MAP3K13: variants seen among roughly 807,000 people sequenced by gnomAD.
The protein encoded by MAP3K13 is leucine zipper-bearing kinase.
A neutral mutation model predicts 104.0 loss-of-function variants in MAP3K13; 52 were observed. That is an observed-to-expected ratio of 0.50 (90% CI 0.40 to 0.63). MAP3K13 has a LOEUF of 0.63. MAP3K13 is among the 20% of genes least tolerant of loss of function. The probability of loss-of-function intolerance (pLI) is 0.00; values close to 1 mark genes in which losing one functional copy is unlikely to be tolerated. For missense variants in MAP3K13, 914 were observed against 1,218.5 expected, an observed-to-expected ratio of 0.75 and a Z score of 3.72; for synonymous variants, 394 against 442.2, an observed-to-expected ratio of 0.89 and a Z score of 1.37.
intron 1 of MAP3K13, among the ~76,000 whole-genome samples, chr3:185,284,033 G>C (rs1720413038): frequency 1.3e-5 from 2 of 151,216 alleles, no homozygotes; most frequent in Admixed American, 6.6e-5. Context: ...CGAGTAGCTG[G>C]GATTACAGGC....
intron 2 of MAP3K13, among the ~76,000 whole-genome samples, chr3:185,318,225 T>C (rs933682847): frequency 1.3e-5 from 2 of 152,194 alleles, no homozygotes; most frequent in African/African-American, 4.8e-5. Context: ...GCCCACAAAA[T>C]ACAAGAGACA....
At chr3:185,363,772 T>C (rs573668416) in intron 1 of MAP3K13, among the ~76,000 whole-genome samples, 26 of 152,374 alleles carry the variant, frequency 1.7e-4, no homozygotes, top group African/African-American at 6.0e-4. Context: ...GGGGCACTTG[T>C]CTTCCTTGCG....
chr3:185,455,648 T>TATATGACATATATATC (rs1560120159), intron 7 of MAP3K13, among the ~76,000 whole-genome samples: 2 of 30,312 alleles, frequency 6.6e-5, no homozygotes, highest in African/African-American at 2.4e-4. Flanking sequence ...ATATATGAGA[T>TATATGACATATATATC]ATATATATGA....
intron 2 of MAP3K13, among the ~76,000 whole-genome samples, chr3:185,309,646 C>A (rs1238551668): frequency 1.3e-5 from 2 of 152,140 alleles, no homozygotes; most frequent in African/African-American, 4.8e-5. Flanking sequence ...TCATATGGAG[C>A]AAAAACTTTA....
In MAP3K13 at chr3:185,448,101, A is replaced by G. The variant is rs79352994; in HGVS notation, c.1010+154A>G. 227 of 879,982 alleles carry G rather than the reference A, an allele frequency of 2.6e-4. 1 individual carries two copies. In the African/African-American group the frequency reaches 3.2e-3, roughly 12 times the overall value. The allele number at this position is 879,982 out of a possible 1,614,324, so 54.5% of individuals were successfully genotyped here. A position where few individuals can be genotyped will look rare whatever the true frequency, so the allele number is the denominator to read the frequency against. ...CCTCATATTTTCTGAGGTACTTCCC[A>G]GTATGGTGATATATGGGGAGAAGGA... is the stretch of plus-strand genomic sequence containing the variant. On this transcript the variant is annotated intron_variant, in intron 5 of 13. Coordinates refer to ENST00000265026, the MANE Select transcript of MAP3K13 (RefSeq NM_004721.5).
rs1028204464 is a variant in MAP3K13 at position 185,486,555 on chromosome 3, G to A, written c.*4099G>A. The A allele has an allele frequency of 6.6e-6, 1 of 152,298 alleles. No homozygotes were observed. The highest frequency in any genetic ancestry group is 2.1e-4 in the South Asian group (1 of 4,822). 9.4% of individuals were successfully genotyped at this position (152,298 alleles called of 1,614,324 possible). On this transcript the variant is annotated 3_prime_UTR_variant, in exon 14 of 14. Transcript: ENST00000265026. ...GAAGAGTGTTGAATCAAGAGCTCAG[G>A]GAAGTTATGAGCTAATTCTTCAGTC... is the stretch of plus-strand genomic sequence containing the variant.
chr3:185,352,342 G>A (rs554234635), intron 2 of MAP3K13, among the ~76,000 whole-genome samples: 1 of 152,212 alleles, frequency 6.6e-6, no homozygotes, highest in African/African-American at 2.4e-5. Flanking sequence ...TACTCAGGAG[G>A]CTGAGTCAGG....
At chr3:185,396,142 G>A (rs1017291661) in intron 1 of MAP3K13, among the ~76,000 whole-genome samples, 7 of 152,044 alleles carry the variant, frequency 4.6e-5, no homozygotes, top group Admixed American at 3.3e-4. Flanking sequence ...AGGCTGAGGC[G>A]GGTAGATCAC....
At position 185,453,823 on chromosome 3, in the gene MAP3K13, TGA is replaced by T. The variant is rs1491063340; in HGVS notation, c.1278+2431_1278+2432del. ...GATATATATATATGATACATATATATGAGATATATATATATGATACATATATA... is the reference window on the plus strand; with the variant it reads ...GATATATATATATGATACATATATATGATATATATATATGATACATATATA... On this transcript the variant is annotated intron_variant, in intron 7 of 13. Transcript: ENST00000265026. 1.7e-3 allele frequency among the ~76,000 whole-genome samples: 42 copies of T among 24,664 alleles called. 2 individuals are homozygous for T. The highest frequency in any genetic ancestry group is 2.8e-3 in the East Asian group (1 of 352). The allele number at this position is 24,664 out of a possible 152,430, so 16.2% of individuals were successfully genotyped here.
rs1274272387 is a variant in MAP3K13 at position 185,484,999 on chromosome 3, G to A, written c.*2543G>A. ...GTACAACAATCATCTGAGGACGCATGTTCTGCCCTGAAGCCCAATGGATAC... is the reference window on the plus strand; with the variant it reads ...GTACAACAATCATCTGAGGACGCATATTCTGCCCTGAAGCCCAATGGATAC... On this transcript the variant is annotated 3_prime_UTR_variant, in exon 14 of 14. Coordinates refer to ENST00000265026, the MANE Select transcript of MAP3K13 (RefSeq NM_004721.5). 1 of 152,170 alleles carries A rather than the reference G, an allele frequency of 6.6e-6. No individual in the cohort carries two copies. Among genetic ancestry groups the A allele is most frequent in the Non-Finnish European group, 1.5e-5 (1 of 68,034 alleles). 9.4% of individuals were successfully genotyped at this position (152,170 alleles called of 1,614,324 possible).
chr3:185,325,743 G>A (rs1435943762), intron 2 of MAP3K13, among the ~76,000 whole-genome samples: 2 of 152,176 alleles, frequency 1.3e-5, no homozygotes, highest in East Asian at 3.8e-4. Context: ...TTTGGCTGCT[G>A]AAAACCTTCC....
intron 1 of MAP3K13, among the ~76,000 whole-genome samples, chr3:185,397,035 G>GT (rs1400316684): frequency 2.8e-4 from 21 of 76,142 alleles, no homozygotes; most frequent in African/African-American, 5.3e-4. Context: ...ATTCATTCTT[G>GT]TTTGTTTTTT....
intron 7 of MAP3K13, among the ~76,000 whole-genome samples, chr3:185,461,666 G>A (rs1293097432): frequency 6.6e-6 from 1 of 151,910 alleles, no homozygotes; most frequent in Admixed American, 6.6e-5. Context: ...GGGTTCAAGC[G>A]GTTCTCCTGC....
At chr3:185,458,208 A>C (rs1250182639) in intron 7 of MAP3K13, among the ~76,000 whole-genome samples, 1 of 151,990 alleles carries the variant, frequency 6.6e-6, no homozygotes, top group Non-Finnish European at 1.5e-5. Flanking sequence ...GTGTCTACTG[A>C]AAATACAAAA....
At position 185,465,826 on chromosome 3, in the gene MAP3K13, A is replaced by T. The variant is rs1717381032; in HGVS notation, c.1468A>T (p.Met490Leu). 4 of 1,614,054 alleles carry T rather than the reference A, an allele frequency of 2.5e-6. No homozygotes were observed. The highest frequency in any genetic ancestry group is 3.4e-6 in the Non-Finnish European group (4 of 1,179,904). ...NNLYMELSAI[M>L]LQLEMREKEL... ...TTTATACATGGAATTGAGTGCCATCATGCTGCAGCTAGAAATGCGGGAGAA... is the reference window on the plus strand; with the variant it reads ...TTTATACATGGAATTGAGTGCCATCTTGCTGCAGCTAGAAATGCGGGAGAA... Residue 490 changes from methionine (M) to leucine (L), a missense_variant, in exon 9 of 14, where the codon ATG (methionine) becomes TTG (leucine). By Grantham distance (15) the Met-to-Leu change is conservative. Transcript: ENST00000265026.
At chr3:185,319,546 A>T (rs1721788514) in intron 2 of MAP3K13, among the ~76,000 whole-genome samples, 1 of 152,220 alleles carries the variant, frequency 6.6e-6, no homozygotes, top group Admixed American at 6.5e-5. Context: ...GTGCCTTGGC[A>T]CACCAGTTGG....
intron 4 of MAP3K13, among the ~76,000 whole-genome samples, chr3:185,446,891 A>G (rs558304030): frequency 1.5e-4 from 23 of 152,326 alleles, no homozygotes; most frequent in South Asian, 6.2e-4. Context: ...ATTTAATTCA[A>G]ATGAAAATTC....
chr3:185,329,329 C>T (rs1405072888), intron 2 of MAP3K13: 3 of 690,492 alleles, frequency 4.3e-6, no homozygotes, highest in Admixed American at 4.1e-5. Context: ...GTTGCTTTTC[C>T]TCTGGTTTAG....
At chr3:185,329,147 G>A (rs533300855) in intron 2 of MAP3K13, 15 of 691,962 alleles carry the variant, frequency 2.2e-5, no homozygotes, top group East Asian at 8.1e-5. Context: ...AAAGAAAGCC[G>A]TGAGGTGTAT....
Sources: allele counts gnomAD v4.1 joint callset (sites outside exome capture counted in the v4.1 genomes callset), GRCh38; gene constraint gnomAD v4.1.1; transcripts MANE v1.5; gene names NCBI Gene and HGNC (gene_info 2026-07-23, HGNC 2026-07-21).